Variants in PSCA observed in about 807,000 individuals in gnomAD.
The protein encoded by PSCA is prostate stem cell antigen.
A neutral mutation model predicts 7.9 loss-of-function variants in PSCA; 7 were observed. The observed-to-expected ratio is 0.89, with a 90% CI of 0.51 to 1.67. The LOEUF (loss-of-function observed/expected upper bound fraction) is 1.67, where lower values mean the gene tolerates loss of function less well. PSCA is among the 40% of genes most tolerant of loss of function. The pLI, the probability that PSCA is intolerant of heterozygous loss-of-function variation, is 0.00. For missense variants in PSCA, 151 were observed against 147.9 expected (o/e 1.02, Z -0.11); for synonymous variants, 61 against 68.3 (o/e 0.89, Z 0.53).
chr8:142,678,098 C>A (rs1399262851), upstream of PSCA, among the ~76,000 whole-genome samples: 1 of 152,168 alleles, frequency 6.6e-6, no homozygotes, highest in Non-Finnish European at 1.5e-5. Context: ...AAACATCTAC[C>A]AGCCTTCCTG....
At position 142,671,187 on chromosome 8, in the gene PSCA, G is replaced by A. The variant is rs150537003; in HGVS notation, n.261+619G>A. 1.0e-3 allele frequency among the ~76,000 whole-genome samples: 158 copies of A among 152,252 alleles called. 1 individual carries two copies. The highest frequency in any genetic ancestry group is 3.7e-3 in the African/African-American group (155 of 41,530). On this transcript the variant is annotated intron_variant and non_coding_transcript_variant, in intron 1 of 1. Coordinates refer to the PSCA transcript ENST00000505305. ...AGATAGGAGGGCAGGTGCCATATCA[G>A]GGGTTCTTGTGGGAGTTAGGAAGCC...
At chr8:142,677,102 C>T (rs1322254949), upstream of PSCA, among the ~76,000 whole-genome samples, 3 of 152,152 alleles carry the variant, frequency 2.0e-5, no homozygotes, top group African/African-American at 7.2e-5. Flanking sequence ...AGGGTGGGGC[C>T]GTAACCAGGG....
intron 1 of PSCA, among the ~76,000 whole-genome samples, chr8:142,671,847 C>T (rs587602371): frequency 4.1e-4 from 62 of 152,272 alleles, no homozygotes; most frequent in African/African-American, 1.3e-3. Context: ...TCCTTAGGTC[C>T]GTTGTTACCT....
rs1554638304 is a variant in PSCA, at chr8:142,681,378, G to C, written c.77G>C (p.Cys26Ser). The C allele has an allele frequency of 7.5e-6, 12 of 1,590,422 alleles. No homozygotes were observed. The highest frequency in any genetic ancestry group is 1.0e-5 in the Non-Finnish European group (12 of 1,168,608). The part of the protein sequence containing the change: ...SCKAQVSNED[C>S]LQVENCTQLG... ...AAAGCCCAGGTGAGCAACGAGGACTGCCTGCAGGTGGAGAACTGCACCCAG... is the reference window on the plus strand; with the variant it reads ...AAAGCCCAGGTGAGCAACGAGGACTCCCTGCAGGTGGAGAACTGCACCCAG... Residue 26 changes from cysteine to serine, a missense_variant, in exon 2 of 3, where the codon TGC becomes TCC. Coordinates refer to ENST00000301258, the MANE Select transcript of PSCA (RefSeq NM_005672.5).
Position 142,682,066 on chromosome 8 carries a change from GGCT to G in PSCA, c.285_287del (p.Ala96del). 6.2e-7 allele frequency: 1 copy of G among 1,610,530 alleles called. No homozygotes were observed. The highest frequency in any genetic ancestry group is 8.5e-7 in the Non-Finnish European group (1 of 1,179,742). ...CCAGCGGGGCCCATGCCCTGCAGCC[GGCT>G]GCTGCCATCCTTGCGCTGCTCCCTG... On this transcript the variant is annotated inframe_deletion, in exon 3 of 3. Transcript: ENST00000301258.
chr8:142,678,721 A>T (rs1847426763), upstream of PSCA, among the ~76,000 whole-genome samples: 2 of 60,886 alleles, frequency 3.3e-5, no homozygotes, highest in African/African-American at 4.0e-5. Context: ...AGCCACTGGC[A>T]GCAGAGCTTG....
At chr8:142,679,203 C>T (rs1397704577), upstream of PSCA, among the ~76,000 whole-genome samples, 1 of 152,228 alleles carries the variant, frequency 6.6e-6, no homozygotes, top group African/African-American at 2.4e-5. Flanking sequence ...AGAGGCCATA[C>T]AGCCCTGGGC....
chr8:142,680,497 A>G lies in PSCA; in HGVS notation c.-42A>G. On this transcript the variant is annotated 5_prime_UTR_variant, in exon 1 of 3. Coordinates refer to ENST00000301258, the MANE Select transcript of PSCA (RefSeq NM_005672.5). The stretch of plus-strand genomic sequence containing the variant: ...AGTCACCTGAGGCCCTCTCCACCAC[A>G]GCCCACCAGTGACCACGAAGGCTGT... 6.4e-7 allele frequency: 1 copy of G among 1,552,044 alleles called. No homozygotes were observed. The highest frequency in any genetic ancestry group is 8.7e-7 in the Non-Finnish European group (1 of 1,147,172).
chr8:142,681,203 G>A (rs1814624091), intron 1 of PSCA, 124 bp from the exon 2 acceptor site: 1 of 658,824 alleles, frequency 1.5e-6, no homozygotes, highest in South Asian at 1.8e-5. Context: ...AGACATTGAG[G>A]GTGACAAGAG....
chr8:142,680,921 G>A (rs1847455257), intron 1 of PSCA: 1 of 492,280 alleles, frequency 2.0e-6, no homozygotes, highest in South Asian at 2.5e-5. Context: ...AGGCTAAGAA[G>A]TGGTTTTTGG....
chr8:142,671,367 T>C (rs906915415), intron 1 of PSCA, among the ~76,000 whole-genome samples: 1 of 152,134 alleles, frequency 6.6e-6, no homozygotes, highest in Non-Finnish European at 1.5e-5. Context: ...AAACAGGGCC[T>C]CTCCTGGAGC....
upstream of PSCA, chr8:142,676,650 AG>A (rs1847404438): frequency 1.3e-5 from 2 of 152,238 alleles, no homozygotes; most frequent in Admixed American, 1.3e-4. Context: ...GGCACTGGGG[AG>A]GGATCAGAAA....
Position 142,682,053 on chromosome 8 carries a change from A to G in PSCA, c.266A>G (p.His89Arg). Reference protein sequence around the residue: ...DTDLCNASGAHALQPAAAILA... With the variant: ...DTDLCNASGARALQPAAAILA... Reference sequence around the variant, plus strand: ...GACTTGTGCAACGCCAGCGGGGCCCATGCCCTGCAGCCGGCTGCTGCCATC... The same window carrying G: ...GACTTGTGCAACGCCAGCGGGGCCCGTGCCCTGCAGCCGGCTGCTGCCATC... Residue 89 changes from histidine to arginine, a missense_variant, in exon 3 of 3, where the codon CAT becomes CGT. By Grantham distance (29) the His-to-Arg change is conservative. Coordinates refer to ENST00000301258, the MANE Select transcript of PSCA (RefSeq NM_005672.5). 1 of 1,611,854 alleles carries G rather than the reference A, an allele frequency of 6.2e-7. No homozygotes were observed. The highest frequency in any genetic ancestry group is 8.5e-7 in the Non-Finnish European group (1 of 1,179,790).
upstream of PSCA, among the ~76,000 whole-genome samples, chr8:142,675,540 TA>T (rs1331563496): frequency 6.6e-6 from 1 of 152,182 alleles, no homozygotes; most frequent in African/African-American, 2.4e-5. Context: ...CACCCACATT[TA>T]CACACATGCT....
chr8:142,682,714 T>C lies in PSCA; in HGVS notation c.*582T>C, dbSNP rs1329592180. 3.4e-6 allele frequency: 1 copy of C among 292,866 alleles called. No individual in the cohort carries two copies. The highest frequency in any genetic ancestry group is 6.9e-6 in the Non-Finnish European group (1 of 145,832). The allele number at this position is 292,866 out of a possible 1,614,324, so 18.1% of individuals were successfully genotyped here. On this transcript the variant is annotated 3_prime_UTR_variant, in exon 3 of 3. Coordinates refer to ENST00000301258, the MANE Select transcript of PSCA (RefSeq NM_005672.5). The stretch of plus-strand genomic sequence containing the variant: ...AGCGTAGGCCCTTAATAAACACCTG[T>C]TGGATAAGCCAGAGAGACCCTCTGT...
upstream of PSCA, among the ~76,000 whole-genome samples, chr8:142,678,837 C>T (rs948430016): frequency 1.3e-5 from 2 of 151,508 alleles, no homozygotes; most frequent in Non-Finnish European, 2.9e-5. Context: ...AACACTCAGC[C>T]GGCTGGCAGG....
chr8:142,681,175 G>T, intron 1 of PSCA, 152 bp from the exon 2 acceptor site: 1 of 605,536 alleles, frequency 1.7e-6, no homozygotes, highest in Non-Finnish European at 2.9e-6. Context: ...TGAGCAGGGG[G>T]CCGTGAAGAT....
chr8:142,682,144 C>G lies in PSCA; in HGVS notation c.*12C>G. 1 of 1,591,122 alleles carries G rather than the reference C, an allele frequency of 6.3e-7. No homozygotes were observed. Among genetic ancestry groups the G allele is most frequent in the Non-Finnish European group, 8.5e-7 (1 of 1,175,562 alleles). Reference sequence around the variant, plus strand: ...CCGGCCAGCTCTAGGCTCTGGGGGGCCCCGCTGCAGCCCACACTGGGTGTG... The same window carrying G: ...CCGGCCAGCTCTAGGCTCTGGGGGGGCCCGCTGCAGCCCACACTGGGTGTG... On this transcript the variant is annotated 3_prime_UTR_variant, in exon 3 of 3. Transcript: ENST00000301258.
chr8:142,678,329 C>A (rs954606919), upstream of PSCA, among the ~76,000 whole-genome samples: 1 of 152,198 alleles, frequency 6.6e-6, no homozygotes, highest in African/African-American at 2.4e-5. Context: ...GACACACACT[C>A]GGCAGCAGGC....
Sources: allele counts gnomAD v4.1 joint callset (sites outside exome capture counted in the v4.1 genomes callset), GRCh38; gene constraint gnomAD v4.1.1; transcripts MANE v1.5; gene names NCBI Gene and HGNC (gene_info 2026-07-23, HGNC 2026-07-21).